GRHL1: variants seen among roughly 807,000 people sequenced by gnomAD.
The protein encoded by GRHL1 is grainyhead-like protein 1 homolog.
In GRHL1, 38 loss-of-function variants were observed where a neutral mutation model predicts 75.7. That is an observed-to-expected ratio of 0.50 (90% CI 0.39 to 0.66). The LOEUF is 0.66. Among genes scored for constraint, GRHL1 ranks in the 30% least tolerant of loss-of-function variants. The pLI is 0.00. For synonymous variants in GRHL1, 266 were observed against 279.4 expected (o/e 0.95, Z 0.48); for missense variants, 589 against 767.5 (o/e 0.77, Z 2.75).
intron 8 of GRHL1, among the ~76,000 whole-genome samples, chr2:9,980,190 G>A (rs1371222791): frequency 6.8e-6 from 1 of 148,056 alleles, no homozygotes; most frequent in Non-Finnish European, 1.5e-5. Context: ...TTTCCTCCTT[G>A]TTTTCTCTTT....
At chr2:9,955,471 T>C (rs1572329372) in intron 2 of GRHL1, among the ~76,000 whole-genome samples, 1 of 152,208 alleles carries the variant, frequency 6.6e-6, no homozygotes, top group African/African-American at 2.4e-5. Context: ...GTAGTCAGGA[T>C]GATTTCCTTT....
chr2:9,965,453 T>G (rs1667453255), intron 8 of GRHL1, 72 bp downstream of exon 8: 4 of 820,498 alleles, frequency 4.9e-6, no homozygotes, highest in Admixed American at 4.4e-5. Context: ...ATTTGACAAC[T>G]GATTTTTTTT....
chr2:9,985,244 A>T (rs1043852409), intron 8 of GRHL1, among the ~76,000 whole-genome samples: 9 of 152,168 alleles, frequency 5.9e-5, no homozygotes, highest in African/African-American at 1.9e-4. Context: ...CGTTTCTCTC[A>T]TGGAAATAGA....
intron 8 of GRHL1, among the ~76,000 whole-genome samples, chr2:9,985,234 C>T (rs543773834): frequency 7.9e-5 from 12 of 152,144 alleles, no homozygotes; most frequent in Admixed American, 1.3e-4. Context: ...TTGGATTCTT[C>T]GTTTCTCTCA....
chr2:9,999,613 C>T (rs1180718017), intron 15 of GRHL1, among the ~76,000 whole-genome samples: 4 of 152,238 alleles, frequency 2.6e-5, no homozygotes, highest in African/African-American at 9.6e-5. Context: ...CTCTGCAGCC[C>T]ATGCCCTGCT....
chr2:9,952,144 A>G (rs898179248), intron 1 of GRHL1, among the ~76,000 whole-genome samples: 2 of 151,608 alleles, frequency 1.3e-5, no homozygotes, highest in African/African-American at 4.8e-5. Flanking sequence ...TCGGGCGCGC[A>G]CCTTGGGGTC....
At position 9,961,241 on chromosome 2, in the gene GRHL1, G is replaced by A. The variant is rs765222616; in HGVS notation, c.474G>A (p.Lys158=). The change falls in exon 4 of 16, where the codon AAG becomes AAA. Residue 158 remains lysine, a synonymous_variant. Transcript: ENST00000324907. ...SIATMPTHSI[K]TETQPHGFAV... is the part of the protein sequence containing the mutation. ...CAACGATGCCTACCCACTCCATCAA[G>A]ACAGAAACCCAGCCACATGGCTTCG... 3 of 1,614,032 alleles carry A rather than the reference G, an allele frequency of 1.9e-6. No individual in the cohort carries two copies. The highest frequency in any genetic ancestry group is 2.5e-6 in the Non-Finnish European group (3 of 1,180,038).
At chr2:9,958,724 C>A (rs1461740828) in intron 2 of GRHL1, 62 bp from the exon 3 acceptor site, 2 of 1,262,814 alleles carry the variant, frequency 1.6e-6, no homozygotes, top group Non-Finnish European at 2.3e-6. Context: ...AAGGCTGTAT[C>A]TTTGGGTAAA....
chr2:9,979,151 C>CAAAAAAAAAAAAAAAAAA lies in GRHL1; in HGVS notation c.1111-6957_1111-6956insAAAAAAAAAAAAAAAAAA, dbSNP rs1227015836. Among the ~76,000 whole-genome samples, 36 of 60,362 alleles carry CAAAAAAAAAAAAAAAAAA rather than the reference C, an allele frequency of 6.0e-4. 2 individuals are homozygous for CAAAAAAAAAAAAAAAAAA. The highest frequency in any genetic ancestry group is 1.6e-3 in the African/African-American group (23 of 14,154). 39.6% of individuals were successfully genotyped at this position (60,362 alleles called of 152,430 possible). ...TTCCAGCCTGGGCAAGACTCTCTCT[C>CAAAAAAAAAAAAAAAAAA]AAAAAAAAAAAAAAAAGGAAACCTT... is the stretch of plus-strand genomic sequence containing the variant. On this transcript the variant is annotated intron_variant, in intron 8 of 15. Transcript: ENST00000324907.
At chr2:9,981,600 A>C (rs1668200877) in intron 8 of GRHL1, among the ~76,000 whole-genome samples, 1 of 152,250 alleles carries the variant, frequency 6.6e-6, no homozygotes, top group Admixed American at 6.5e-5. Context: ...AGAGTCGAGT[A>C]GTTGCATATG....
chr2:9,973,991 A>G (rs1667841710), intron 8 of GRHL1, among the ~76,000 whole-genome samples: 1 of 152,194 alleles, frequency 6.6e-6, no homozygotes, highest in Non-Finnish European at 1.5e-5. Flanking sequence ...CCTCATGACC[A>G]AAAAACAACC....
intron 8 of GRHL1, among the ~76,000 whole-genome samples, chr2:9,979,029 G>A (rs1668076663): frequency 6.6e-6 from 1 of 150,928 alleles, no homozygotes. Context: ...ATGTAGTGGT[G>A]CGCGCCTGTA....
At chr2:9,996,135 A>G (rs545236318) in intron 13 of GRHL1, among the ~76,000 whole-genome samples, 165 bp downstream of exon 13, 300 of 152,384 alleles carry the variant, frequency 2.0e-3, no homozygotes, top group African/African-American at 6.7e-3. Flanking sequence ...CAAAGTTCAG[A>G]GAAGCTGAAA....
Position 9,997,818 on chromosome 2 carries a change from C to CA in GRHL1, c.1678-1134dup, listed in dbSNP as rs150171875. ...AGCCTGGCATAGCAAGACTCCGTCT[C>CA]AAAAAAAAAAAAACAACAAAAAACA... On this transcript the variant is annotated intron_variant, in intron 14 of 15. Coordinates refer to ENST00000324907, the MANE Select transcript of GRHL1 (RefSeq NM_198182.3). Among the ~76,000 whole-genome samples the CA allele has an allele frequency of 4.3e-3, 540 of 126,640 alleles. 4 individuals are homozygous for CA. The highest frequency in any genetic ancestry group is 3.8e-3 in the South Asian group (15 of 3,980). 83.1% of individuals were successfully genotyped at this position (126,640 alleles called of 152,430 possible).
At chr2:9,965,942 A>C (rs16867261) in intron 8 of GRHL1, 30,267 of 152,136 alleles carry the variant, frequency 0.2, 3,694 homozygotes, top group African/African-American at 0.34. Flanking sequence ...GGCGACTCTA[A>C]TGGGAATTTT....
Position 9,992,170 on chromosome 2 carries a change from A to C in GRHL1, c.1461+24A>C, listed in dbSNP as rs149143398. 50 of 1,598,566 alleles carry C rather than the reference A, an allele frequency of 3.1e-5. No individual in the cohort carries two copies. Among genetic ancestry groups the C allele is most frequent in the Middle Eastern group, 3.3e-4 (2 of 5,982 alleles). The stretch of plus-strand genomic sequence containing the variant: ...ATGTAGGTAACCAGGATCCCAGGGG[A>C]GGTTACCAGGAAGGAAGGCATGGCA... On this transcript the variant is annotated intron_variant, in intron 11 of 15. Coordinates refer to ENST00000324907, the MANE Select transcript of GRHL1 (RefSeq NM_198182.3). The surrounding 1 kb of genome is among the most constrained non-coding windows in gnomAD (Gnocchi z 4.6).
chr2:10,000,502 C>A, intron 15 of GRHL1, 91 bp from the exon 16 acceptor site: 1 of 689,830 alleles, frequency 1.4e-6, no homozygotes, highest in South Asian at 1.8e-5. Context: ...CATGCTGCAA[C>A]TAGTAAGTGG....
At chr2:9,964,186 C>A in intron 6 of GRHL1, 49 bp from the exon 7 acceptor site, 3 of 1,355,494 alleles carry the variant, frequency 2.2e-6, no homozygotes, top group Non-Finnish European at 3.1e-6. Flanking sequence ...TTTTCCAAAA[C>A]ATACTCACCC....
chr2:9,974,958 G>C (rs1418058999), intron 8 of GRHL1, among the ~76,000 whole-genome samples: 1 of 152,238 alleles, frequency 6.6e-6, no homozygotes, highest in Non-Finnish European at 1.5e-5. Context: ...TTTCAGCTGA[G>C]GGAATCCCCA....
Sources: gnomAD v4.1 joint callset for allele counts (sites outside exome capture counted in the v4.1 genomes callset) on GRCh38, gnomAD v4.1.1 for gene constraint, Gnocchi (gnomAD v3.1) non-coding constraint, MANE v1.5 for transcripts, NCBI Gene and HGNC (gene_info 2026-07-23, HGNC 2026-07-21) for gene names.